Variants in ZC3H12B observed in about 807,000 individuals in gnomAD.
ZC3H12B encodes zinc finger CCCH-type containing 12B.
In ZC3H12B, 7 loss-of-function variants were observed where a neutral mutation model predicts 43.9. The ratio of observed to expected loss-of-function variants is 0.16; its 90% CI spans 0.09 to 0.30. ZC3H12B has a LOEUF of 0.30. ZC3H12B is among the 10% of genes least tolerant of loss of function. The pLI is 1.00. For missense variants in ZC3H12B, 475 were observed against 670.2 expected, an observed-to-expected ratio of 0.71 and a Z score of 3.22; for synonymous variants, 222 against 241.7, an observed-to-expected ratio of 0.92 and a Z score of 0.76.
chrX:65,049,752 C>A, the ZC3H12B span, among the ~76,000 whole-genome samples: 4 of 111,283 alleles, frequency 3.6e-5, no homozygotes, highest in African/African-American at 3.3e-5. Context: ...CTGTAGATAG[C>A]TTTGGATAAC....
At chrX:65,384,327 C>T (rs2066489972) in intron 2 of ZC3H12B, among the ~76,000 whole-genome samples, 2 of 109,888 alleles carry the variant, frequency 1.8e-5, no homozygotes, top group East Asian at 2.9e-4. Flanking sequence ...AATAAGAACA[C>T]ATGGACACAG....
At chrX:65,205,796 G>C in the ZC3H12B span, among the ~76,000 whole-genome samples, 3 of 111,505 alleles carry the variant, frequency 2.7e-5, no homozygotes. Context: ...AAAGCTCCTA[G>C]AACTGATAAA....
At chrX:65,452,550 A>G (rs1294283881) in intron 3 of ZC3H12B, among the ~76,000 whole-genome samples, 1 of 111,759 alleles carries the variant, frequency 8.9e-6, no homozygotes, top group African/African-American at 3.3e-5. Context: ...ACAAATGAAA[A>G]CACATACTGG....
At chrX:65,331,832 AT>A in the ZC3H12B span, among the ~76,000 whole-genome samples, 1 of 111,460 alleles carries the variant, frequency 9.0e-6, no homozygotes, top group African/African-American at 3.3e-5. Flanking sequence ...TTGCCACGGC[AT>A]TTGTAAACTG....
At chrX:65,182,717 CAAACAAAAAAAA>C in the ZC3H12B span, among the ~76,000 whole-genome samples, 1 of 95,795 alleles carries the variant, frequency 1.0e-5, no homozygotes, top group Non-Finnish European at 2.0e-5. Context: ...GTCAGTTTCA[CAAACAAAAAAAA>C]AAACAAAAAA....
the ZC3H12B span, chrX:65,186,204 TAGC>T: frequency 9.0e-6 from 1 of 111,278 alleles, no homozygotes; most frequent in Non-Finnish European, 1.9e-5. Flanking sequence ...GATAGAAAAG[TAGC>T]AGGTGCTGGG....
chrX:65,501,983 C>T, exon 5 of ZC3H12B: 2 of 1,209,838 alleles, frequency 1.7e-6, no homozygotes, highest in South Asian at 1.8e-5. Flanking sequence ...AGAGGTCAAA[C>T]GTGTGGCCCC....
At chrX:65,205,405 T>C in the ZC3H12B span, among the ~76,000 whole-genome samples, 1 of 111,503 alleles carries the variant, frequency 9.0e-6, no homozygotes, top group Admixed American at 9.6e-5. Context: ...GTACACAACA[T>C]AAATAGAATT....
the ZC3H12B span, chrX:65,185,005 T>C: frequency 1.8e-5 from 2 of 111,669 alleles, no homozygotes; most frequent in African/African-American, 6.5e-5. Context: ...CTACATAGAC[T>C]TTTTCTCAGG....
chrX:65,153,510 C>A, the ZC3H12B span, among the ~76,000 whole-genome samples: 1 of 112,296 alleles, frequency 8.9e-6, no homozygotes, highest in Non-Finnish European at 1.9e-5. Context: ...CAGAGAAATG[C>A]AAATCAAAAC....
chrX:65,378,754 C>T (rs778010385), intron 2 of ZC3H12B, among the ~76,000 whole-genome samples: 3 of 112,462 alleles, frequency 2.7e-5, no homozygotes, highest in East Asian at 2.8e-4. Flanking sequence ...GTGCATGCAC[C>T]GTGTGCCTGC....
chrX:65,209,791 A>C, the ZC3H12B span, among the ~76,000 whole-genome samples: 1 of 102,975 alleles, frequency 9.7e-6, no homozygotes, highest in African/African-American at 3.7e-5. Context: ...GATCTTTGAC[A>C]AACCTGAGAA....
intron 1 of ZC3H12B, among the ~76,000 whole-genome samples, chrX:65,367,400 C>T (rs965875215): frequency 9.0e-6 from 1 of 111,216 alleles, no homozygotes; most frequent in African/African-American, 3.3e-5. Flanking sequence ...AATATCAACT[C>T]TAGAAAAGCA....
the ZC3H12B span, among the ~76,000 whole-genome samples, chrX:65,223,905 G>T: frequency 8.9e-6 from 1 of 112,143 alleles, no homozygotes; most frequent in East Asian, 2.8e-4. Context: ...ATTCCTTAAA[G>T]AACTAAAAGT....
At chrX:65,426,489 T>C (rs2148097654) in intron 3 of ZC3H12B, among the ~76,000 whole-genome samples, 1 of 109,566 alleles carries the variant, frequency 9.1e-6, no homozygotes, top group East Asian at 2.9e-4. Flanking sequence ...GCTTTGATCT[T>C]GGTTATTTCT....
At chrX:65,275,029 C>T in the ZC3H12B span, among the ~76,000 whole-genome samples, 1 of 112,148 alleles carries the variant, frequency 8.9e-6, no homozygotes, top group African/African-American at 3.2e-5. Flanking sequence ...GAGAAACAAT[C>T]CTAGAGGCTG....
chrX:65,164,444 A>G, the ZC3H12B span, among the ~76,000 whole-genome samples: 2 of 111,645 alleles, frequency 1.8e-5, no homozygotes, highest in South Asian at 7.6e-4. Context: ...GGGAGGATAT[A>G]ACTCTTGTGA....
At chrX:65,191,719 C>G in the ZC3H12B span, among the ~76,000 whole-genome samples, 2 of 108,187 alleles carry the variant, frequency 1.8e-5, no homozygotes, top group Non-Finnish European at 3.8e-5. Context: ...TGCTAGCGGT[C>G]TATCAATTTT....
chrX:65,324,113 G>T, the ZC3H12B span, among the ~76,000 whole-genome samples: 1 of 112,140 alleles, frequency 8.9e-6, no homozygotes, highest in Non-Finnish European at 1.9e-5. Context: ...CAGATGGATA[G>T]ATTGCAAAAA....
Sources: allele counts gnomAD v4.1 joint callset (sites outside exome capture counted in the v4.1 genomes callset), GRCh38; gene constraint gnomAD v4.1.1; transcripts MANE v1.5; gene names NCBI Gene and HGNC (gene_info 2026-07-23, HGNC 2026-07-21).